Variants in SLC39A12 observed in about 807,000 individuals in gnomAD.
SLC39A12 encodes the protein solute carrier family 39 member 12.
A neutral mutation model predicts 71.1 loss-of-function variants in SLC39A12; 63 were observed. The observed-to-expected ratio is 0.89, with a 90% CI of 0.72 to 1.09. SLC39A12 has a LOEUF of 1.09. SLC39A12 is among the 50% of genes least tolerant of loss of function. The pLI, the probability that SLC39A12 is intolerant of heterozygous loss-of-function variation, is 0.00. For missense variants in SLC39A12, 892 were observed against 812.6 expected (o/e 1.10, Z -1.19); for synonymous variants, 351 against 301.3 (o/e 1.16, Z -1.71).
intron 12 of SLC39A12, among the ~76,000 whole-genome samples, chr10:18,025,270 A>T (rs11012209): frequency 0.49 from 73,711 of 151,606 alleles, 18,430 homozygotes; most frequent in Non-Finnish European, 0.55. Context: ...TTTAGGGTAC[A>T]TGTGCACAAC....
chr10:17,980,571 AC>A (rs34596637), intron 5 of SLC39A12, among the ~76,000 whole-genome samples: 37,810 of 152,144 alleles, frequency 0.25, 5,544 homozygotes, highest in East Asian at 0.49. Flanking sequence ...TCTGAGATGG[AC>A]AAATGTCTTT....
chr10:17,978,043 A>G lies in SLC39A12; in HGVS notation c.893A>G (p.Glu298Gly), dbSNP rs765167756. The G allele has an allele frequency of 6.2e-7, 1 of 1,604,492 alleles. No homozygotes were observed. Among genetic ancestry groups the G allele is most frequent in the Middle Eastern group, 1.7e-4 (1 of 6,032 alleles). ...YSNFSSSMEK[E>G]SEDGPVSWDQ... is the part of the protein sequence containing the mutation. ...AATTTCTCTTCATCCATGGAAAAAG[A>G]GTCTGAGGATGGTCCAGTTTCCTGG... is the stretch of plus-strand genomic sequence containing the variant. The change falls in exon 5 of 13, where the codon GAG (glutamate) becomes GGG (glycine). Residue 298 changes from glutamate to glycine, a missense_variant. Coordinates refer to ENST00000377369, the MANE Select transcript of SLC39A12 (RefSeq NM_001145195.2).
intron 12 of SLC39A12, among the ~76,000 whole-genome samples, chr10:18,037,221 TAA>T (rs1202263689): frequency 2.0e-5 from 3 of 152,218 alleles, no homozygotes; most frequent in Admixed American, 2.0e-4. Context: ...ATTGATTTAT[TAA>T]GTGTTGATTA....
At chr10:18,002,305 T>C (rs1268851928) in intron 11 of SLC39A12, 2 of 152,096 alleles carry the variant, frequency 1.3e-5, no homozygotes, top group Non-Finnish European at 2.9e-5. Context: ...TGACTCATTA[T>C]TGACCTATCC....
chr10:17,973,119 TAA>T lies in SLC39A12; in HGVS notation c.752-4779_752-4778del, dbSNP rs552599053. Reference sequence around the variant, plus strand: ...AAAAACCAAGCAAAAAGAACATTAATAAAAACTTTGTGCCTTAATTGTGTCCC... The same window carrying T: ...AAAAACCAAGCAAAAAGAACATTAATAAACTTTGTGCCTTAATTGTGTCCC... On this transcript the variant is annotated intron_variant, in intron 4 of 12. Transcript: ENST00000377369. Among the ~76,000 whole-genome samples, 445 of 152,272 alleles carry T rather than the reference TAA, an allele frequency of 2.9e-3. 2 individuals carry two copies. Among genetic ancestry groups the T allele is most frequent in the African/African-American group, 0.01 (433 of 41,582 alleles).
At chr10:17,959,532 G>A (rs1554848112) in intron 2 of SLC39A12, among the ~76,000 whole-genome samples, 2 of 152,138 alleles carry the variant, frequency 1.3e-5, no homozygotes, top group African/African-American at 4.8e-5. Context: ...CTTCAAAGAA[G>A]ACTAGATTAA....
intron 12 of SLC39A12, among the ~76,000 whole-genome samples, chr10:18,015,079 T>A (rs1836339095): frequency 6.6e-6 from 1 of 152,202 alleles, no homozygotes; most frequent in African/African-American, 2.4e-5. Flanking sequence ...TCCTAATTTA[T>A]CAATTTTTCA....
intron 12 of SLC39A12, among the ~76,000 whole-genome samples, chr10:18,004,945 G>A (rs1835969009): frequency 1.3e-5 from 2 of 152,060 alleles, no homozygotes; most frequent in Admixed American, 1.3e-4. Context: ...GAGGCTAGAA[G>A]CCATTATCCC....
chr10:18,030,074 G>C (rs886883754), intron 12 of SLC39A12, among the ~76,000 whole-genome samples: 2 of 150,610 alleles, frequency 1.3e-5, no homozygotes, highest in African/African-American at 4.9e-5. Flanking sequence ...AAAGAGCCAA[G>C]TATTGTCAGA....
intron 2 of SLC39A12, among the ~76,000 whole-genome samples, chr10:17,958,718 A>G (rs756406616): frequency 1.8e-4 from 28 of 152,312 alleles, no homozygotes; most frequent in Non-Finnish European, 3.8e-4. Context: ...TTTTCTCATG[A>G]AGAAAGGTGT....
At chr10:17,972,731 A>AGGTGAAGT (rs1488902371) in intron 4 of SLC39A12, among the ~76,000 whole-genome samples, 1 of 151,658 alleles carries the variant, frequency 6.6e-6, no homozygotes, top group Non-Finnish European at 1.5e-5. Context: ...GTGTATTTAT[A>AGGTGAAGT]GGTGAAGTGT....
chr10:18,003,469 A>G, intron 12 of SLC39A12, 111 bp downstream of exon 12: 1 of 975,350 alleles, frequency 1.0e-6, no homozygotes, highest in Non-Finnish European at 1.5e-6. Flanking sequence ...GAATTTATAA[A>G]ACAATATAAA....
intron 12 of SLC39A12, chr10:18,005,523 T>C (rs1463872254): frequency 6.6e-6 from 1 of 152,240 alleles, no homozygotes; most frequent in East Asian, 1.9e-4. Context: ...CTGGATTCTT[T>C]TGAAGTTTAC....
chr10:18,020,790 G>A (rs1836513124), intron 12 of SLC39A12, among the ~76,000 whole-genome samples: 2 of 151,994 alleles, frequency 1.3e-5, no homozygotes. Context: ...GTCTGTTCCT[G>A]TCCTTTGCTC....
rs1303288953 is a variant in SLC39A12 at position 18,003,341 on chromosome 10, T to C, written c.1930T>C (p.Leu644=). ...AGTCACTGCTGGGATGTTCTTATAT[T>C]TATCCTTGGTTGAAATGGTAAGCTT... The part of the protein sequence containing the change: ...FTVTAGMFLY[L]SLVEMLPEMT... Residue 644 remains leucine, a synonymous_variant, in exon 12 of 13, where the codon TTA becomes CTA. Coordinates refer to ENST00000377369, the MANE Select transcript of SLC39A12 (RefSeq NM_001145195.2). The C allele has an allele frequency of 6.2e-7, 1 of 1,609,712 alleles. No individual in the cohort carries two copies. Among genetic ancestry groups the C allele is most frequent in the Admixed American group, 1.7e-5 (1 of 59,252 alleles).
At chr10:18,003,911 G>A (rs901086404) in intron 12 of SLC39A12, among the ~76,000 whole-genome samples, 1 of 152,204 alleles carries the variant, frequency 6.6e-6, no homozygotes, top group Non-Finnish European at 1.5e-5. Context: ...CGTCTTTGAA[G>A]TTTGAATTGC....
chr10:18,041,393 G>C (rs1837220342), intron 12 of SLC39A12, among the ~76,000 whole-genome samples: 1 of 151,554 alleles, frequency 6.6e-6, no homozygotes, highest in Admixed American at 6.6e-5. Context: ...CTACTCAGGA[G>C]GCTGAGGCAG....
chr10:18,011,386 TC>T (rs556945636), intron 12 of SLC39A12, among the ~76,000 whole-genome samples: 48 of 152,248 alleles, frequency 3.2e-4, no homozygotes, highest in African/African-American at 1.1e-3. Context: ...ACTGCACTCA[TC>T]CCCCTTATGA....
At chr10:17,956,061 C>T (rs1388895656) in intron 2 of SLC39A12, among the ~76,000 whole-genome samples, 2 of 151,960 alleles carry the variant, frequency 1.3e-5, no homozygotes, top group Non-Finnish European at 2.9e-5. Flanking sequence ...TCTGTGAGGA[C>T]CACATGGACA....
Sources: allele counts gnomAD v4.1 joint callset (sites outside exome capture counted in the v4.1 genomes callset), GRCh38; gene constraint gnomAD v4.1.1; transcripts MANE v1.5; gene names NCBI Gene and HGNC (gene_info 2026-07-23, HGNC 2026-07-21).